Variants in WDSUB1 observed in about 807,000 individuals in gnomAD.
WDSUB1 encodes WD repeat, sterile alpha motif and U-box domain containing 1, also known as WD repeat, SAM and U-box domain-containing protein 1.
Under a neutral mutation model 53.9 loss-of-function variants are expected in WDSUB1, and 49 were observed. The ratio of observed to expected loss-of-function variants is 0.91; its 90% CI spans 0.72 to 1.15. The LOEUF (loss-of-function observed/expected upper bound fraction) is 1.15, where lower values mean the gene tolerates loss of function less well. WDSUB1 is among the 50% of genes most tolerant of loss of function. The pLI is 0.00. For missense variants in WDSUB1, 514 were observed against 562.0 expected (o/e 0.91, Z 0.86); for synonymous variants, 194 against 200.6 (o/e 0.97, Z 0.28).
In WDSUB1 at chr2:159,279,894, A is replaced by G. The variant is rs771631915; in HGVS notation, c.450T>C (p.Asn150=). 3.1e-6 allele frequency: 5 copies of G among 1,612,658 alleles called. No individual in the cohort carries two copies. The South Asian group carries it at 5.5e-5, about 18-fold the overall frequency. Reference sequence around the variant, plus strand: ...AGGAGCCAGTGACAAAGAAGCTTCCATTAGGAGAAAATGCACATGCCGCCA... The same window carrying G: ...AGGAGCCAGTGACAAAGAAGCTTCCGTTAGGAGAAAATGCACATGCCGCCA... The part of the protein sequence containing the change: ...GSLAACAFSP[N]GSFFVTGSSC... Residue 150 remains asparagine, a synonymous_variant, in exon 3 of 11, where the codon AAT becomes AAC. Coordinates refer to ENST00000359774, the MANE Select transcript of WDSUB1 (RefSeq NM_001128212.3).
Position 159,269,222 on chromosome 2 carries a change from G to A in WDSUB1, c.770+2480C>T, listed in dbSNP as rs376776691. Among the ~76,000 whole-genome samples, 52 of 143,188 alleles carry A rather than the reference G, an allele frequency of 3.6e-4. 2 individuals carry two copies. In the East Asian group the frequency reaches 0.01, roughly 28 times the overall value. The allele number at this position is 143,188 out of a possible 152,430, so 93.9% of individuals were successfully genotyped here. On this transcript the variant is annotated intron_variant, in intron 5 of 10. Coordinates refer to ENST00000359774, the MANE Select transcript of WDSUB1 (RefSeq NM_001128212.3). ...GTCTTGCTCTGTCACCCAGGCTGGA[G>A]TGCAGTGGTGTGATCTCAGCTCACT...
In WDSUB1 at chr2:159,257,379, T is replaced by C. The variant is rs114630061; in HGVS notation, c.952+379A>G. Among the ~76,000 whole-genome samples, 1,216 of 142,952 alleles carry C rather than the reference T, an allele frequency of 8.5e-3. 11 individuals carry two copies. The highest frequency in any genetic ancestry group is 0.024 in the African/African-American group (936 of 39,102). 93.8% of individuals were successfully genotyped at this position (142,952 alleles called of 152,430 possible). ...GCAATGTGAATAACCTGTCAAATGA[T>C]TTACTAACTTTTTTTTTTTTTTTTG... On this transcript the variant is annotated intron_variant, in intron 8 of 10. Coordinates refer to ENST00000359774, the MANE Select transcript of WDSUB1 (RefSeq NM_001128212.3).
intron 4 of WDSUB1, among the ~76,000 whole-genome samples, chr2:159,273,336 A>G (rs2061479160): frequency 6.6e-6 from 1 of 152,232 alleles, no homozygotes; most frequent in South Asian, 2.1e-4. Flanking sequence ...CCTCAAGTAT[A>G]AGACCCATAT....
chr2:159,250,681 G>A (rs886900814), intron 9 of WDSUB1, among the ~76,000 whole-genome samples: 4 of 152,194 alleles, frequency 2.6e-5, no homozygotes, highest in Non-Finnish European at 5.9e-5. Flanking sequence ...TTTACGAGGA[G>A]TTATAATGAT....
chr2:159,265,579 G>A, intron 5 of WDSUB1, among the ~76,000 whole-genome samples: 1 of 152,138 alleles, frequency 6.6e-6, no homozygotes, highest in East Asian at 1.9e-4. Context: ...ATGGTGGCCT[G>A]CAAGTGTAGT....
intron 5 of WDSUB1, among the ~76,000 whole-genome samples, chr2:159,264,150 T>C (rs1213915707): frequency 6.6e-6 from 1 of 152,124 alleles, no homozygotes; most frequent in Non-Finnish European, 1.5e-5. Context: ...CACAGGCACA[T>C]ACTCTGATGA....
rs1205174119 is a variant in WDSUB1, at chr2:159,275,818, A to G, written c.584-180T>C. On this transcript the variant is annotated intron_variant, in intron 3 of 10. Coordinates refer to ENST00000359774, the MANE Select transcript of WDSUB1 (RefSeq NM_001128212.3). Reference sequence around the variant, plus strand: ...AAGAATTTCTTTTAAACAAGGTACTATGTGGGATTATTAGTCCTCAAGTTG... The same window carrying G: ...AAGAATTTCTTTTAAACAAGGTACTGTGTGGGATTATTAGTCCTCAAGTTG... Among the ~76,000 whole-genome samples the G allele has an allele frequency of 2.6e-5, 4 of 152,206 alleles. No homozygotes were observed. In the South Asian group the frequency reaches 8.3e-4, roughly 32 times the overall value.
chr2:159,245,803 G>A (rs936466376), intron 10 of WDSUB1, among the ~76,000 whole-genome samples: 10 of 152,090 alleles, frequency 6.6e-5, no homozygotes, highest in Admixed American at 1.3e-4. Context: ...GAAGAAAAAA[G>A]GATAAAAGAT....
Position 159,282,677 on chromosome 2 carries a change from T to A in WDSUB1, c.393A>T (p.Leu131Phe). Residue 131 changes from leucine (L) to phenylalanine (F), a missense_variant, in exon 2 of 11, where the codon TTA becomes TTT. Coordinates refer to ENST00000359774, the MANE Select transcript of WDSUB1 (RefSeq NM_001128212.3). ...AAGGATTTAAATATCCATACCTATA[T>A]AATTTGTATGACTGTGCATTCCACA... ...VVLWNAQSYK[L>F]YRCGSVKDGS... The A allele has an allele frequency of 6.2e-7, 1 of 1,609,282 alleles. No individual in the cohort carries two copies. The highest frequency in any genetic ancestry group is 1.3e-5 in the African/African-American group (1 of 74,944).
intron 10 of WDSUB1, among the ~76,000 whole-genome samples, chr2:159,238,710 CT>C (rs1462893227): frequency 2.6e-5 from 4 of 152,170 alleles, no homozygotes; most frequent in African/African-American, 9.7e-5. Context: ...TATGGAGGTT[CT>C]CGACATGTAA....
At chr2:159,251,616 C>G (rs1183176642) in intron 9 of WDSUB1, among the ~76,000 whole-genome samples, 1 of 152,154 alleles carries the variant, frequency 6.6e-6, no homozygotes, top group Non-Finnish European at 1.5e-5. Flanking sequence ...AGGACCCTTA[C>G]CAGCTAAGGG....
rs1040074609 is a variant in WDSUB1, at chr2:159,271,889, A to C, written c.677-94T>G. ...ATTTCACTTATTTATTTAACAAATA[A>C]TCTTTGAGTGCCTAAAGGACACAAA... On this transcript the variant is annotated intron_variant, in intron 4 of 10. Coordinates refer to ENST00000359774, the MANE Select transcript of WDSUB1 (RefSeq NM_001128212.3). 8.9e-6 allele frequency: 9 copies of C among 1,015,190 alleles called. No individual in the cohort carries two copies. In the African/African-American group the frequency reaches 1.1e-4, roughly 13 times the overall value. 62.9% of individuals were successfully genotyped at this position (1,015,190 alleles called of 1,614,324 possible).
In WDSUB1 at chr2:159,265,102, A is replaced by AAAC. The variant is rs139666411; in HGVS notation, c.771-5262_771-5260dup. ...TCCATCTCAAAAAAAAAAAAAAATA[A>AAAC]AACAACAACAACAACAACAACAAAA... On this transcript the variant is annotated intron_variant, in intron 5 of 10. Transcript: ENST00000359774. 4.4e-3 allele frequency among the ~76,000 whole-genome samples: 648 copies of AAAC among 146,390 alleles called. 3 individuals are homozygous for AAAC. Among genetic ancestry groups the AAAC allele is most frequent in the African/African-American group, 0.012 (457 of 37,914 alleles).
chr2:159,284,166 G>GA (rs113330247), intron 1 of WDSUB1, among the ~76,000 whole-genome samples: 38 of 151,402 alleles, frequency 2.5e-4, no homozygotes, highest in South Asian at 2.5e-3. Flanking sequence ...ACAATTTGGA[G>GA]AAAAAAAAAT....
chr2:159,248,401 T>G lies in WDSUB1; in HGVS notation c.1244A>C (p.Glu415Ala). Reference sequence around the variant, plus strand: ...TGCGATGACCGGATCTTTCATAAGTTCTCTAGTTATTGGACATATAAATTC... The same window carrying G: ...TGCGATGACCGGATCTTTCATAAGTGCTCTAGTTATTGGACATATAAATTC... ...PDEFICPITR[E>A]LMKDPVIASD... The change falls in exon 10 of 11, where the codon GAA becomes GCA. Residue 415 changes from glutamate to alanine, a missense_variant. Coordinates refer to ENST00000359774, the MANE Select transcript of WDSUB1 (RefSeq NM_001128212.3). 1 of 1,612,010 alleles carries G rather than the reference T, an allele frequency of 6.2e-7. No individual in the cohort carries two copies. Among genetic ancestry groups the G allele is most frequent in the South Asian group, 1.1e-5 (1 of 90,766 alleles).
At chr2:159,267,854 T>C (rs2061376000) in intron 5 of WDSUB1, among the ~76,000 whole-genome samples, 1 of 152,218 alleles carries the variant, frequency 6.6e-6, no homozygotes, top group Admixed American at 6.5e-5. Context: ...AAACTAAATG[T>C]TTATTAAGTT....
chr2:159,259,893 A>G, intron 5 of WDSUB1, 50 bp from the exon 6 acceptor site: 4 of 1,421,142 alleles, frequency 2.8e-6, no homozygotes, highest in South Asian at 2.7e-5. Context: ...AACAAAGTAC[A>G]GCATTTATGT....
chr2:159,275,692 C>CT, intron 3 of WDSUB1, 54 bp from the exon 4 acceptor site: 1 of 1,406,042 alleles, frequency 7.1e-7, no homozygotes, highest in Non-Finnish European at 9.8e-7. Context: ...GAAACCCCCC[C>CT]AAAATTCCCA....
At chr2:159,268,643 C>A (rs569200456) in intron 5 of WDSUB1, among the ~76,000 whole-genome samples, 1 of 152,098 alleles carries the variant, frequency 6.6e-6, no homozygotes. Flanking sequence ...AATGCTATGA[C>A]CTGTGAGATC....
Sources: gnomAD v4.1 joint callset for allele counts (sites outside exome capture counted in the v4.1 genomes callset) on GRCh38, gnomAD v4.1.1 for gene constraint, MANE v1.5 for transcripts, NCBI Gene and HGNC (gene_info 2026-07-23, HGNC 2026-07-21) for gene names.